TMEM132D: variants seen among roughly 807,000 people sequenced by gnomAD.
TMEM132D encodes the protein transmembrane protein 132D.
A neutral mutation model predicts 62.3 loss-of-function variants in TMEM132D; 21 were observed. The ratio of observed to expected loss-of-function variants is 0.34; its 90% CI spans 0.24 to 0.49. The LOEUF is 0.49. Among genes scored for constraint, TMEM132D ranks in the 20% least tolerant of loss-of-function variants. The pLI, the probability that TMEM132D is intolerant of heterozygous loss-of-function variation, is 0.99. For synonymous variants in TMEM132D, 621 were observed against 575.6 expected, an observed-to-expected ratio of 1.08 and a Z score of -1.13; for missense variants, 1,346 against 1,402.8, an observed-to-expected ratio of 0.96 and a Z score of 0.65.
At chr12:129,431,445 G>A (rs1374394610) in intron 3 of TMEM132D, among the ~76,000 whole-genome samples, 1 of 152,144 alleles carries the variant, frequency 6.6e-6, no homozygotes, top group East Asian at 1.9e-4. Context: ...TGCTCGAAGT[G>A]TCTCTTGGCT....
intron 5 of TMEM132D, among the ~76,000 whole-genome samples, chr12:129,112,863 G>C (rs1194235966): frequency 1.3e-5 from 2 of 152,110 alleles, no homozygotes; most frequent in Non-Finnish European, 2.9e-5. Flanking sequence ...TCTTCCTTGT[G>C]ACCTAAGGAA....
At chr12:129,587,252 A>G (rs1396581364) in intron 2 of TMEM132D, among the ~76,000 whole-genome samples, 1 of 152,208 alleles carries the variant, frequency 6.6e-6, no homozygotes, top group Non-Finnish European at 1.5e-5. Context: ...ACATGGATGG[A>G]GATAGAGGCC....
At chr12:129,746,465 A>G (rs79604540) in intron 1 of TMEM132D, among the ~76,000 whole-genome samples, 8,217 of 152,204 alleles carry the variant, frequency 0.054, 305 homozygotes, top group Middle Eastern at 0.085. Context: ...GGAGGATATC[A>G]TCAGATTTAA....
intron 3 of TMEM132D, among the ~76,000 whole-genome samples, chr12:129,404,479 G>A (rs1263730836): frequency 6.6e-6 from 1 of 152,210 alleles, no homozygotes; most frequent in East Asian, 1.9e-4. Flanking sequence ...TTACAGGCGT[G>A]AGCCACCATG....
At position 129,289,931 on chromosome 12, in the gene TMEM132D, G is replaced by A. The variant is rs115237995; in HGVS notation, c.1299+47703C>T. On this transcript the variant is annotated intron_variant, in intron 4 of 8. Coordinates refer to ENST00000422113, the MANE Select transcript of TMEM132D (RefSeq NM_133448.3). The stretch of plus-strand genomic sequence containing the variant: ...CTGGACTGAGAGAGACTAAGCAGAC[G>A]CAGCCACCCTGCACAATGTGCAGCT... Among the ~76,000 whole-genome samples the A allele has an allele frequency of 6.3e-3, 963 of 152,256 alleles. 12 individuals carry two copies. Among genetic ancestry groups the A allele is most frequent in the African/African-American group, 0.022 (901 of 41,548 alleles).
intron 5 of TMEM132D, among the ~76,000 whole-genome samples, chr12:129,138,220 G>C (rs1158809158): frequency 6.6e-6 from 1 of 152,110 alleles, no homozygotes; most frequent in Non-Finnish European, 1.5e-5. Context: ...TTTTCTAAGA[G>C]AAATGATGAA....
rs545612331 is a variant in TMEM132D at position 129,311,114 on chromosome 12, C to T, written c.1299+26520G>A. Among the ~76,000 whole-genome samples the T allele has an allele frequency of 4.2e-5, 5 of 119,920 alleles. 1 individual carries two copies. The highest frequency in any genetic ancestry group is 2.0e-4 in the Admixed American group (2 of 10,100). 78.7% of individuals were successfully genotyped at this position (119,920 alleles called of 152,430 possible). A position where few individuals can be genotyped will look rare whatever the true frequency, so the allele number is the denominator to read the frequency against. ...TCGGGAGGCTGAGGCAGGAGAATGG[C>T]GTGAACCCGGGAGGCGGAGCTTGCA... On this transcript the variant is annotated intron_variant, in intron 4 of 8. Coordinates refer to ENST00000422113, the MANE Select transcript of TMEM132D (RefSeq NM_133448.3).
rs993814509 is a variant in TMEM132D at position 129,837,802 on chromosome 12, C to T, written c.79+65459G>A. ...ATAGTTCCTGGACTTCCTGCCTCTC[C>T]GGAGCCCACGAAATATACATGAAAT... On this transcript the variant is annotated intron_variant, in intron 1 of 8. Transcript: ENST00000422113. Among the ~76,000 whole-genome samples the T allele has an allele frequency of 3.3e-5, 5 of 152,118 alleles. No homozygotes were observed. In the East Asian group the frequency reaches 5.8e-4, roughly 18 times the overall value.
chr12:129,768,670 T>C (rs1486210889), intron 1 of TMEM132D, among the ~76,000 whole-genome samples: 2 of 152,068 alleles, frequency 1.3e-5, no homozygotes, highest in Non-Finnish European at 2.9e-5. Flanking sequence ...TGAAAGATGG[T>C]AGAGGCGAAA....
At chr12:129,220,194 G>T (rs904040782) in intron 4 of TMEM132D, among the ~76,000 whole-genome samples, 1 of 152,102 alleles carries the variant, frequency 6.6e-6, no homozygotes, top group Non-Finnish European at 1.5e-5. Context: ...GAGTTCCCAA[G>T]AGCAATGCCT....
intron 1 of TMEM132D, among the ~76,000 whole-genome samples, chr12:129,725,485 T>C (rs1396143501): frequency 1.3e-5 from 2 of 152,260 alleles, no homozygotes; most frequent in African/African-American, 2.4e-5. Context: ...CCATTGGCTC[T>C]CATGCCATGA....
intron 2 of TMEM132D, among the ~76,000 whole-genome samples, chr12:129,551,716 C>T (rs1876904284): frequency 6.6e-6 from 1 of 152,202 alleles, no homozygotes; most frequent in South Asian, 2.1e-4. Flanking sequence ...CACGCCCTGC[C>T]TAATTCATTT....
chr12:129,461,446 A>G (rs996167252), intron 3 of TMEM132D, among the ~76,000 whole-genome samples: 2 of 152,128 alleles, frequency 1.3e-5, no homozygotes, highest in African/African-American at 2.4e-5. Flanking sequence ...TAGTTTGTAG[A>G]AAGATGAAGA....
At chr12:129,232,960 C>G (rs1879683358) in intron 4 of TMEM132D, among the ~76,000 whole-genome samples, 1 of 152,142 alleles carries the variant, frequency 6.6e-6, no homozygotes, top group Non-Finnish European at 1.5e-5. Context: ...CGCCTCCCAC[C>G]AGGTCCCTCC....
At chr12:129,749,631 T>TG (rs947163964) in intron 1 of TMEM132D, among the ~76,000 whole-genome samples, 2 of 151,310 alleles carry the variant, frequency 1.3e-5, no homozygotes, top group Admixed American at 6.6e-5. Context: ...TAATTTTTTT[T>TG]TGTGTGTACT....
At chr12:129,696,329 C>T (rs1345826460) in intron 2 of TMEM132D, among the ~76,000 whole-genome samples, 1 of 152,226 alleles carries the variant, frequency 6.6e-6, no homozygotes, top group Non-Finnish European at 1.5e-5. Context: ...AGGCATATGG[C>T]ACTTAACAAA....
intron 4 of TMEM132D, among the ~76,000 whole-genome samples, chr12:129,281,950 G>A (rs546803937): frequency 1.3e-5 from 2 of 152,282 alleles, no homozygotes; most frequent in African/African-American, 2.4e-5. Context: ...CTCCCTGTGG[G>A]GTTGGTGGAG....
intron 2 of TMEM132D, among the ~76,000 whole-genome samples, chr12:129,595,172 T>C (rs927356192): frequency 2.0e-5 from 3 of 152,214 alleles, no homozygotes; most frequent in African/African-American, 7.2e-5. Flanking sequence ...CATTTAAACC[T>C]ATCATCCATT....
intron 4 of TMEM132D, among the ~76,000 whole-genome samples, chr12:129,240,974 A>G (rs1879921343): frequency 6.6e-6 from 1 of 151,988 alleles, no homozygotes; most frequent in Non-Finnish European, 1.5e-5. Flanking sequence ...CTCTATATCC[A>G]TCACGTCCAT....
Sources: gnomAD v4.1 joint callset for allele counts (sites outside exome capture counted in the v4.1 genomes callset) on GRCh38, gnomAD v4.1.1 for gene constraint, MANE v1.5 for transcripts, NCBI Gene and HGNC (gene_info 2026-07-23, HGNC 2026-07-21) for gene names.